WDR19: variants seen among roughly 807,000 people sequenced by gnomAD.
WDR19 encodes WD repeat-containing protein 19.
Under a neutral mutation model 180.0 loss-of-function variants are expected in WDR19, and 121 were observed. The observed-to-expected ratio is 0.67, with a 90% CI of 0.58 to 0.78. WDR19 has a LOEUF of 0.78. Ranked by LOEUF, WDR19 falls within the 30% of genes least tolerant of loss-of-function variation. The probability of loss-of-function intolerance (pLI) is 0.00; values close to 1 mark genes in which losing one functional copy is unlikely to be tolerated. For missense variants in WDR19, 1,450 were observed against 1,640.7 expected (o/e 0.88, Z 2.01); for synonymous variants, 497 against 540.7 (o/e 0.92, Z 1.12).
Position 39,245,513 on chromosome 4 carries a change from A to G in WDR19, c.2729+61A>G, listed in dbSNP as rs1732431726. 4.6e-6 allele frequency: 7 copies of G among 1,528,852 alleles called. No individual in the cohort carries two copies. The South Asian group carries it at 4.7e-5, about 10-fold the overall frequency. The allele number at this position is 1,528,852 out of a possible 1,614,324, so 94.7% of individuals were successfully genotyped here. ...GTAATGTAAGCTTTACAAATTAACC[A>G]TTGATATTTGCAACCCTGTAAGAAA... On this transcript the variant is annotated intron_variant, in intron 24 of 36. Coordinates refer to ENST00000399820, the MANE Select transcript of WDR19 (RefSeq NM_025132.4).
intron 19 of WDR19, among the ~76,000 whole-genome samples, chr4:39,232,820 A>G (rs1373310044): frequency 6.6e-6 from 1 of 152,172 alleles, no homozygotes; most frequent in South Asian, 2.1e-4. Flanking sequence ...CAAACATGTC[A>G]GTTTAAGAAC....
chr4:39,273,219 T>C, intron 32 of WDR19, 158 bp downstream of exon 32: 1 of 575,468 alleles, frequency 1.7e-6, no homozygotes, highest in Non-Finnish European at 3.0e-6. Context: ...CACTCCCAGG[T>C]TTGATGACTC....
chr4:39,276,976 A>G, intron 33 of WDR19, 44 bp from the exon 34 acceptor site: 2 of 1,609,202 alleles, frequency 1.2e-6, no homozygotes, highest in Admixed American at 1.7e-5. Flanking sequence ...TCCCCGGTAC[A>G]TGAATAAAAC....
chr4:39,277,059 A>C lies in WDR19; in HGVS notation c.3756A>C (p.Pro1252=). 6.2e-7 allele frequency: 1 copy of C among 1,613,980 alleles called. No homozygotes were observed. The highest frequency in any genetic ancestry group is 1.3e-5 in the African/African-American group (1 of 75,066). Residue 1252 remains proline, a synonymous_variant, in exon 34 of 37, where the codon CCA becomes CCC. Transcript: ENST00000399820. ...DISEIEEATT[P]CPFCKFLLPE... ...CTGAGATAGAAGAGGCCACGACTCCATGTCCATTCTGCAAATTTCTTCTCC... is the reference window on the plus strand; with the variant it reads ...CTGAGATAGAAGAGGCCACGACTCCCTGTCCATTCTGCAAATTTCTTCTCC...
At chr4:39,184,346 G>A (rs1162258542) in intron 1 of WDR19, among the ~76,000 whole-genome samples, 1 of 151,826 alleles carries the variant, frequency 6.6e-6, no homozygotes, top group African/African-American at 2.4e-5. Flanking sequence ...GGAGGCGGAG[G>A]TTGCAGTGAG....
chr4:39,276,819 C>T (rs1474315028), intron 33 of WDR19: 2 of 569,996 alleles, frequency 3.5e-6, no homozygotes, highest in Non-Finnish European at 6.0e-6. Flanking sequence ...CACCCTAGAA[C>T]CTAACCAATC....
At chr4:39,282,676 G>A (rs1317015564) in intron 36 of WDR19, among the ~76,000 whole-genome samples, 5 of 152,178 alleles carry the variant, frequency 3.3e-5, no homozygotes, top group Non-Finnish European at 7.4e-5. Context: ...GGGATTACAG[G>A]TGTGAGCCAC....
At chr4:39,216,727 G>GT (rs1225633171) in intron 12 of WDR19, among the ~76,000 whole-genome samples, 1 of 152,060 alleles carries the variant, frequency 6.6e-6, no homozygotes, top group Non-Finnish European at 1.5e-5. Context: ...ACCTTGTTTT[G>GT]TTTTTTCTTC....
intron 14 of WDR19, 25 bp downstream of exon 14, chr4:39,218,130 G>C (rs746534694): frequency 6.4e-7 from 1 of 1,573,406 alleles, no homozygotes; most frequent in African/African-American, 1.4e-5. Flanking sequence ...CTTTTTTAGA[G>C]AACACTGGGA....
intron 9 of WDR19, among the ~76,000 whole-genome samples, chr4:39,213,898 C>G (rs909780525): frequency 6.6e-6 from 1 of 152,076 alleles, no homozygotes; most frequent in African/African-American, 2.4e-5. Context: ...TTACAACTAC[C>G]TGTGAATCTG....
rs772687020 is a variant in WDR19 at position 39,232,178 on chromosome 4, A to G, written c.2159A>G (p.Asn720Ser). ...LEQIKGIEDY[N>S]LLAGHLAMFT... Reference sequence around the variant, plus strand: ...TATTTGTAGGGAATAGAGGACTACAATCTTTTGGCAGGACACCTTGCCATG... The same window carrying G: ...TATTTGTAGGGAATAGAGGACTACAGTCTTTTGGCAGGACACCTTGCCATG... Residue 720 changes from asparagine (N) to serine (S), a missense_variant, in exon 19 of 37, where the codon AAT (asparagine) becomes AGT (serine). Coordinates refer to ENST00000399820, the MANE Select transcript of WDR19 (RefSeq NM_025132.4). 5.9e-5 allele frequency: 95 copies of G among 1,613,422 alleles called. No homozygotes were observed. The highest frequency in any genetic ancestry group is 1.6e-4 in the Middle Eastern group (1 of 6,082).
Position 39,245,462 on chromosome 4 carries a change from C to G in WDR19, c.2729+10C>G, listed in dbSNP as rs746746130. The G allele has an allele frequency of 1.2e-6, 2 of 1,610,514 alleles. No individual in the cohort carries two copies. Among genetic ancestry groups the G allele is most frequent in the Non-Finnish European group, 1.7e-6 (2 of 1,177,614 alleles). On this transcript the variant is annotated intron_variant, in intron 24 of 36. Transcript: ENST00000399820. Reference sequence around the variant, plus strand: ...AGGAAGCAGATGGAAGGTTTGTACACTTTCTCAAATTTATACCAATTTAAA... The same window carrying G: ...AGGAAGCAGATGGAAGGTTTGTACAGTTTCTCAAATTTATACCAATTTAAA...
chr4:39,215,003 C>T (rs1157158769), intron 10 of WDR19, among the ~76,000 whole-genome samples: 2 of 152,162 alleles, frequency 1.3e-5, no homozygotes, highest in Non-Finnish European at 2.9e-5. Context: ...GAACTGCTGA[C>T]CTCAGGTGAT....
intron 25 of WDR19, among the ~76,000 whole-genome samples, chr4:39,253,633 G>T (rs1733468699): frequency 6.6e-6 from 1 of 152,078 alleles, no homozygotes; most frequent in Non-Finnish European, 1.5e-5. Context: ...CAAAAGATTA[G>T]CTGGGTGTGG....
intron 28 of WDR19, 120 bp downstream of exon 28, chr4:39,257,674 G>A (rs748201757): frequency 2.6e-5 from 22 of 833,402 alleles, no homozygotes; most frequent in Middle Eastern, 3.6e-4. Flanking sequence ...CATACCTATC[G>A]TGTAACTTCA....
chr4:39,265,810 C>G (rs911253348), intron 28 of WDR19, among the ~76,000 whole-genome samples: 1 of 150,286 alleles, frequency 6.7e-6, no homozygotes, highest in African/African-American at 2.4e-5. Context: ...AGTACATTCT[C>G]TGTGCATGTG....
intron 9 of WDR19, among the ~76,000 whole-genome samples, chr4:39,207,158 A>G (rs1030360434): frequency 6.6e-6 from 1 of 152,328 alleles, no homozygotes; most frequent in East Asian, 1.9e-4. Context: ...ATAAAGAAGA[A>G]CCAAATGGAA....
At chr4:39,197,425 CAAAAA>C (rs11343008) in intron 5 of WDR19, among the ~76,000 whole-genome samples, 22 of 113,342 alleles carry the variant, frequency 1.9e-4, no homozygotes, top group African/African-American at 4.2e-4. Flanking sequence ...GACTCTATCT[CAAAAA>C]AAAAAAAAAA....
chr4:39,282,579 T>G lies in WDR19; in HGVS notation c.*14-2908T>G, dbSNP rs547059734. Among the ~76,000 whole-genome samples the G allele has an allele frequency of 5.3e-5, 8 of 152,030 alleles. No individual in the cohort carries two copies. The East Asian group carries it at 9.7e-4, about 18-fold the overall frequency. ...CGTCCAGCTAATTTTTGTATTTTTA[T>G]TAGAGATGGGGTTTCACCATGTTGG... On this transcript the variant is annotated intron_variant, in intron 36 of 36. Coordinates refer to ENST00000399820, the MANE Select transcript of WDR19 (RefSeq NM_025132.4).
Sources: gnomAD v4.1 joint callset for allele counts (sites outside exome capture counted in the v4.1 genomes callset) on GRCh38, gnomAD v4.1.1 for gene constraint, MANE v1.5 for transcripts, NCBI Gene and HGNC (gene_info 2026-07-23, HGNC 2026-07-21) for gene names.